RORA: variants seen among roughly 807,000 people sequenced by gnomAD.
RORA encodes RAR related orphan receptor A, also known as nuclear receptor ROR-alpha.
Under a neutral mutation model 69.5 loss-of-function variants are expected in RORA, and 7 were observed. That is an observed-to-expected ratio of 0.10 (90% confidence interval 0.06 to 0.19). The LOEUF is 0.19. RORA is among the 10% of genes least tolerant of loss of function. The pLI is 1.00. For synonymous variants in RORA, 261 were observed against 240.8 expected, an observed-to-expected ratio of 1.08 and a Z score of -0.78; for missense variants, 457 against 663.0, an observed-to-expected ratio of 0.69 and a Z score of 3.41.
chr15:61,148,827 G>A (rs1359585123), intron 1 of RORA, among the ~76,000 whole-genome samples: 1 of 152,144 alleles, frequency 6.6e-6, no homozygotes, highest in Non-Finnish European at 1.5e-5. Context: ...GGTAACCTAG[G>A]TGACCTTTTA....
rs1382584396 is a variant in RORA, at chr15:61,077,097, G to C, written c.166+151956C>G. On this transcript the variant is annotated intron_variant, in intron 1 of 10. Coordinates refer to ENST00000335670, the MANE Select transcript of RORA (RefSeq NM_134261.3). ...CACTGCAGTGGGATCAGCAGGCACA[G>C]GACGCTGTTAAGTAGAATGATACCT... 2.0e-5 allele frequency among the ~76,000 whole-genome samples: 3 copies of C among 152,130 alleles called. 1 individual carries two copies. Among genetic ancestry groups the C allele is most frequent in the African/African-American group, 7.2e-5 (3 of 41,408 alleles).
intron 1 of RORA, among the ~76,000 whole-genome samples, chr15:60,741,440 A>G (rs150532335): frequency 2.1e-3 from 320 of 152,300 alleles, no homozygotes; most frequent in African/African-American, 7.1e-3. Context: ...ATGAAAACCA[A>G]GATCAGGGGA....
intron 1 of RORA, among the ~76,000 whole-genome samples, chr15:60,774,214 G>T (rs538914635): frequency 6.6e-6 from 1 of 152,302 alleles, no homozygotes; most frequent in Admixed American, 6.5e-5. Context: ...TCATGTTATC[G>T]CTCTGAATGG....
At chr15:61,141,578 G>C (rs752052613) in intron 1 of RORA, among the ~76,000 whole-genome samples, 1 of 152,166 alleles carries the variant, frequency 6.6e-6, no homozygotes, top group African/African-American at 2.4e-5. Context: ...ACCTCAGAAA[G>C]ACTTTAGAAA....
At chr15:60,887,816 GAGA>G (rs907255981) in intron 1 of RORA, among the ~76,000 whole-genome samples, 1 of 152,168 alleles carries the variant, frequency 6.6e-6, no homozygotes, top group African/African-American at 2.4e-5. Flanking sequence ...GCATCAGCAG[GAGA>G]AGATGTGGAG....
intron 1 of RORA, among the ~76,000 whole-genome samples, chr15:60,988,187 G>A (rs1452807136): frequency 6.6e-6 from 1 of 152,162 alleles, no homozygotes; most frequent in South Asian, 2.1e-4. Context: ...CGTAGCAGAC[G>A]GAAGCCCTAA....
intron 1 of RORA, among the ~76,000 whole-genome samples, chr15:61,153,787 T>C (rs1285340916): frequency 6.6e-6 from 1 of 152,144 alleles, no homozygotes; most frequent in Non-Finnish European, 1.5e-5. Context: ...CTAAGAACCC[T>C]TCAATTGCTA....
At chr15:60,973,865 A>G (rs1180987206) in intron 1 of RORA, among the ~76,000 whole-genome samples, 2 of 152,242 alleles carry the variant, frequency 1.3e-5, no homozygotes, top group African/African-American at 2.4e-5. Flanking sequence ...AGGCCCAGCC[A>G]TGGGGCTGCG....
intron 1 of RORA, among the ~76,000 whole-genome samples, chr15:60,976,464 T>C (rs1028049760): frequency 1.3e-5 from 2 of 152,180 alleles, no homozygotes; most frequent in Admixed American, 1.3e-4. Flanking sequence ...ATACTGAAGA[T>C]GGATCCTTCT....
chr15:60,598,063 C>T (rs1400964191), intron 2 of RORA, among the ~76,000 whole-genome samples: 3 of 151,866 alleles, frequency 2.0e-5, no homozygotes, highest in Non-Finnish European at 4.4e-5. Flanking sequence ...TTTCACCATA[C>T]GTCAAATAAG....
At chr15:61,103,076 C>A (rs1289074053) in intron 1 of RORA, among the ~76,000 whole-genome samples, 1 of 152,176 alleles carries the variant, frequency 6.6e-6, no homozygotes, top group Non-Finnish European at 1.5e-5. Context: ...TCCTATCTCC[C>A]GTATTCCCTA....
chr15:60,551,284 A>C (rs1162596842), intron 2 of RORA, among the ~76,000 whole-genome samples: 1 of 151,760 alleles, frequency 6.6e-6, no homozygotes, highest in Non-Finnish European at 1.5e-5. Context: ...TAGCTTTACC[A>C]CTCTGACCTC....
At chr15:60,654,189 A>G (rs866939117) in intron 2 of RORA, among the ~76,000 whole-genome samples, 1 of 152,178 alleles carries the variant, frequency 6.6e-6, no homozygotes, top group African/African-American at 2.4e-5. Flanking sequence ...GAAGATTCCA[A>G]TCTTCTCATC....
chr15:60,598,084 C>T (rs746737292), intron 2 of RORA, among the ~76,000 whole-genome samples: 1 of 151,956 alleles, frequency 6.6e-6, no homozygotes, highest in African/African-American at 2.4e-5. Flanking sequence ...GAGAGTAGAG[C>T]CTTGTAGGGC....
At chr15:60,653,673 G>C (rs2070180074) in intron 2 of RORA, among the ~76,000 whole-genome samples, 1 of 152,182 alleles carries the variant, frequency 6.6e-6, no homozygotes, top group Non-Finnish European at 1.5e-5. Flanking sequence ...GATGGAAGTT[G>C]AGCCCATGGT....
Position 60,534,186 on chromosome 15 carries a change from T to G in RORA, c.197-2335A>C, listed in dbSNP as rs901497456. ...TAAGGCTGTGACCAAGATGCCTGCCTGGCACGGAGGTCTGCTCATGATGGG... is the reference window on the plus strand; with the variant it reads ...TAAGGCTGTGACCAAGATGCCTGCCGGGCACGGAGGTCTGCTCATGATGGG... On this transcript the variant is annotated intron_variant, in intron 2 of 10. Transcript: ENST00000335670. The surrounding 1 kb of genome is among the most constrained non-coding windows in gnomAD (Gnocchi z 5.0). 3.3e-5 allele frequency among the ~76,000 whole-genome samples: 5 copies of G among 152,198 alleles called. No homozygotes were observed. The highest frequency in any genetic ancestry group is 9.7e-5 in the African/African-American group (4 of 41,450).
At chr15:60,533,531 T>C (rs1268948580) in intron 2 of RORA, among the ~76,000 whole-genome samples, 1 of 152,262 alleles carries the variant, frequency 6.6e-6, no homozygotes, top group Admixed American at 6.5e-5. Context: ...TGCACAGTCC[T>C]TCCATTATGT....
intron 1 of RORA, among the ~76,000 whole-genome samples, chr15:60,786,143 A>T (rs905803350): frequency 2.0e-5 from 3 of 152,336 alleles, no homozygotes; most frequent in Non-Finnish European, 4.4e-5. Context: ...TGTCATGTTT[A>T]TACATACACG....
chr15:60,777,781 C>T (rs985688658), intron 1 of RORA, among the ~76,000 whole-genome samples: 2 of 152,150 alleles, frequency 1.3e-5, no homozygotes, highest in African/African-American at 2.4e-5. Flanking sequence ...ACCGCAATCT[C>T]GGCAGCACAG....
Sources: allele counts gnomAD v4.1 joint callset (sites outside exome capture counted in the v4.1 genomes callset), GRCh38; gene constraint gnomAD v4.1.1; non-coding constraint Gnocchi (gnomAD v3.1); transcripts MANE v1.5; gene names NCBI Gene and HGNC (gene_info 2026-07-23, HGNC 2026-07-21).